Variants in CPNE8 observed in about 807,000 individuals in gnomAD.
The protein encoded by CPNE8 is copine-8.
A neutral mutation model predicts 81.5 loss-of-function variants in CPNE8; 45 were observed. The observed-to-expected ratio is 0.55, with a 90% CI of 0.44 to 0.71. CPNE8 has a LOEUF of 0.71. Ranked by LOEUF, CPNE8 falls within the 30% of genes least tolerant of loss-of-function variation. The probability of loss-of-function intolerance (pLI) is 0.00; values close to 1 mark genes in which losing one functional copy is unlikely to be tolerated. For missense variants in CPNE8, 594 were observed against 672.1 expected, an observed-to-expected ratio of 0.88 and a Z score of 1.28; for synonymous variants, 252 against 226.3, an observed-to-expected ratio of 1.11 and a Z score of -1.02.
At chr12:38,767,566 TG>T in intron 8 of CPNE8, 68 bp downstream of exon 8, 1 of 948,264 alleles carries the variant, frequency 1.1e-6, no homozygotes, top group Non-Finnish European at 1.5e-6. Context: ...TGAGCTTCTC[TG>T]AGAAAAATAA....
At chr12:38,755,561 G>A (rs889033025) in intron 10 of CPNE8, among the ~76,000 whole-genome samples, 3 of 151,932 alleles carry the variant, frequency 2.0e-5, no homozygotes, top group African/African-American at 7.3e-5. Flanking sequence ...TTGTTAAAGT[G>A]AGCTTTAAAT....
chr12:38,823,182 C>T (rs929208387), intron 6 of CPNE8, among the ~76,000 whole-genome samples: 1 of 152,092 alleles, frequency 6.6e-6, no homozygotes, highest in South Asian at 2.1e-4. Flanking sequence ...GCCTCAAGTC[C>T]CCTCAAACAC....
chr12:38,839,883 T>A (rs1362983949), intron 5 of CPNE8, 33 bp downstream of exon 5: 4 of 1,521,856 alleles, frequency 2.6e-6, no homozygotes, highest in Admixed American at 1.9e-5. Context: ...CATTGTATTA[T>A]AATGTTATAA....
rs900368319 is a variant in CPNE8 at position 38,679,515 on chromosome 12, T to C, written c.1272-1961A>G. ...TGAAAACCATTAAAGCTGTAGAAAG[T>C]TGCATGAGTTTATTGTGTGACTGTC... On this transcript the variant is annotated intron_variant, in intron 16 of 19. Coordinates refer to ENST00000331366, the MANE Select transcript of CPNE8 (RefSeq NM_153634.3). 5.9e-5 allele frequency: 48 copies of C among 811,532 alleles called. No individual in the cohort carries two copies. In the African/African-American group the frequency reaches 8.0e-4, roughly 14 times the overall value. 50.3% of individuals were successfully genotyped at this position (811,532 alleles called of 1,614,324 possible). A position where few individuals can be genotyped will look rare whatever the true frequency, so the allele number is the denominator to read the frequency against.
Position 38,902,393 on chromosome 12 carries a change from G to GAGAAAGAAAGAAAGAAAGAAAGAA in CPNE8, c.98+3020_98+3043dup, listed in dbSNP as rs1295439144. ...GAAAGAAAGAAAGAAAAGAAAGAAA[G>GAGAAAGAAAGAAAGAAAGAAAGAA]AGAAAGAAAGAAAGAAAGAAAGAAA... is the stretch of plus-strand genomic sequence containing the variant. On this transcript the variant is annotated intron_variant, in intron 1 of 19. Coordinates refer to ENST00000331366, the MANE Select transcript of CPNE8 (RefSeq NM_153634.3). Among the ~76,000 whole-genome samples the GAGAAAGAAAGAAAGAAAGAAAGAA allele has an allele frequency of 1.9e-3, 101 of 54,500 alleles. 1 individual carries two copies. Among genetic ancestry groups the GAGAAAGAAAGAAAGAAAGAAAGAA allele is most frequent in the East Asian group, 0.016 (23 of 1,468 alleles). The allele number at this position is 54,500 out of a possible 152,430, so 35.8% of individuals were successfully genotyped here.
intron 6 of CPNE8, among the ~76,000 whole-genome samples, chr12:38,797,163 A>T (rs1476671247): frequency 6.6e-6 from 1 of 152,152 alleles, no homozygotes; most frequent in Admixed American, 6.5e-5. Context: ...GCAGACGTAA[A>T]TGTCCCTGTC....
At chr12:38,774,096 T>C (rs1334050117) in intron 7 of CPNE8, among the ~76,000 whole-genome samples, 1 of 152,170 alleles carries the variant, frequency 6.6e-6, no homozygotes, top group Non-Finnish European at 1.5e-5. Flanking sequence ...CCCTTTCATT[T>C]ACTAAGGCCT....
rs2136780879 is a variant in CPNE8 at position 38,736,679 on chromosome 12, A to G, written c.723-6321T>C. ...TAATTCAATTTCTATTGCTTCTAACAAGCTGAATGCACCAGAATATTGTCA... is the reference window on the plus strand; with the variant it reads ...TAATTCAATTTCTATTGCTTCTAACGAGCTGAATGCACCAGAATATTGTCA... On this transcript the variant is annotated intron_variant, in intron 10 of 19. Coordinates refer to ENST00000331366, the MANE Select transcript of CPNE8 (RefSeq NM_153634.3). Among the ~76,000 whole-genome samples the G allele has an allele frequency of 1.3e-5, 2 of 152,192 alleles. 1 individual carries two copies. Among genetic ancestry groups the G allele is most frequent in the South Asian group, 4.1e-4 (2 of 4,830 alleles).
chr12:38,669,092 A>G (rs887446427), intron 19 of CPNE8, among the ~76,000 whole-genome samples: 2 of 152,042 alleles, frequency 1.3e-5, no homozygotes, highest in Non-Finnish European at 2.9e-5. Context: ...ACGCATAATG[A>G]GCTTCTTAAG....
At chr12:38,718,410 T>C (rs900090029) in intron 13 of CPNE8, among the ~76,000 whole-genome samples, 1 of 152,188 alleles carries the variant, frequency 6.6e-6, no homozygotes, top group Non-Finnish European at 1.5e-5. Flanking sequence ...TTCTGAAAGG[T>C]CTGTTTCCAA....
intron 19 of CPNE8, among the ~76,000 whole-genome samples, chr12:38,657,935 TG>T (rs1159191533): frequency 5.3e-5 from 8 of 152,016 alleles, no homozygotes; most frequent in South Asian, 2.1e-4. Flanking sequence ...ACCACAAAGA[TG>T]GGGAGAAACC....
At chr12:38,817,139 C>A (rs1943039179) in intron 6 of CPNE8, among the ~76,000 whole-genome samples, 1 of 152,144 alleles carries the variant, frequency 6.6e-6, no homozygotes, top group African/African-American at 2.4e-5. Context: ...CTAGAAAACT[C>A]TGTAGAGTTA....
rs1196962809 is a variant in CPNE8 at position 38,678,685 on chromosome 12, A to C, written c.1272-1131T>G. On this transcript the variant is annotated intron_variant, in intron 16 of 19. Transcript: ENST00000331366. ...AATTTAAAAACATATAAAGAAGAAA[A>C]ATACTTACAACTTTCCCCATGGACT... is the stretch of plus-strand genomic sequence containing the variant. 7.2e-5 allele frequency among the ~76,000 whole-genome samples: 11 copies of C among 152,056 alleles called. No individual in the cohort carries two copies. The East Asian group carries it at 1.9e-3, about 27-fold the overall frequency.
intron 11 of CPNE8, among the ~76,000 whole-genome samples, chr12:38,725,142 C>T (rs1396798000): frequency 6.6e-6 from 1 of 152,064 alleles, no homozygotes; most frequent in Non-Finnish European, 1.5e-5. Context: ...TATTGATTAC[C>T]CTTAACTATG....
intron 5 of CPNE8, among the ~76,000 whole-genome samples, chr12:38,832,384 C>T (rs1383750689): frequency 1.3e-5 from 2 of 152,176 alleles, no homozygotes; most frequent in African/African-American, 2.4e-5. Context: ...AATGCAATCA[C>T]CCAATTAGCT....
intron 13 of CPNE8, among the ~76,000 whole-genome samples, chr12:38,711,219 T>C (rs192348460): frequency 2.8e-4 from 42 of 152,314 alleles, no homozygotes; most frequent in African/African-American, 9.6e-4. Flanking sequence ...TTCTTTCAGT[T>C]TTCACTGTGT....
intron 18 of CPNE8, among the ~76,000 whole-genome samples, chr12:38,674,778 C>T (rs1208176809): frequency 6.6e-6 from 1 of 152,130 alleles, no homozygotes; most frequent in African/African-American, 2.4e-5. Flanking sequence ...TTATTATTCT[C>T]ATGCAGGAGG....
At chr12:38,722,852 T>C (rs1482289928) in intron 13 of CPNE8, among the ~76,000 whole-genome samples, 1 of 152,102 alleles carries the variant, frequency 6.6e-6, no homozygotes, top group Non-Finnish European at 1.5e-5. Flanking sequence ...GATTGGATCA[T>C]GGGGGCAGTT....
At chr12:38,876,786 T>C (rs1453385716) in intron 1 of CPNE8, among the ~76,000 whole-genome samples, 1 of 152,186 alleles carries the variant, frequency 6.6e-6, no homozygotes, top group Admixed American at 6.5e-5. Context: ...AAAAGACTAC[T>C]TTACTCAAGC....
Sources: gnomAD v4.1 joint callset for allele counts (sites outside exome capture counted in the v4.1 genomes callset) on GRCh38, gnomAD v4.1.1 for gene constraint, MANE v1.5 for transcripts, NCBI Gene and HGNC (gene_info 2026-07-23, HGNC 2026-07-21) for gene names.